Variants in SAMD5 observed in about 807,000 individuals in gnomAD.
SAMD5 encodes sterile alpha motif domain-containing protein 5.
In SAMD5, 13 loss-of-function variants were observed where a neutral mutation model predicts 11.3. The observed-to-expected ratio is 1.15, with a 90% CI of 0.75 to 1.83. SAMD5 has a LOEUF of 1.83. Ranked by LOEUF, SAMD5 falls within the 40% of genes most tolerant of loss-of-function variation. The probability of loss-of-function intolerance (pLI) is 0.00; values close to 1 mark genes in which losing one functional copy is unlikely to be tolerated. For synonymous variants in SAMD5, 129 were observed against 111.3 expected (o/e 1.16, Z -1.00); for missense variants, 255 against 239.1 (o/e 1.07, Z -0.44).
In SAMD5 at chr6:147,509,351, C is replaced by G. The variant is rs150468887; in HGVS notation, c.423C>G (p.Asp141Glu). Residue 141 changes from aspartate to glutamate, a missense_variant, in exon 1 of 2, where the codon GAC becomes GAG. By Grantham distance (45) the Asp-to-Glu change is conservative. Coordinates refer to ENST00000367474, the MANE Select transcript of SAMD5 (RefSeq NM_001030060.3). ...TGATCAGGGATAAGCTCGTCCGTGA[C>G]GGCATCCACCTGAGCAAGCCCCCGT... is the stretch of plus-strand genomic sequence containing the variant. ...KIMIRDKLVRDGIHLSKPPYS... is the reference protein window; with the variant it reads ...KIMIRDKLVREGIHLSKPPYS... 6.3e-7 allele frequency: 1 copy of G among 1,576,600 alleles called. No individual in the cohort carries two copies. Among genetic ancestry groups the G allele is most frequent in the East Asian group, 2.4e-5 (1 of 41,272 alleles).
At chr6:147,704,388 T>C (rs1260449765) in intron 1 of SAMD5, among the ~76,000 whole-genome samples, 1 of 152,186 alleles carries the variant, frequency 6.6e-6, no homozygotes, top group East Asian at 1.9e-4. Context: ...TCTATTAAAT[T>C]ATGTTCTTCA....
the SAMD5 span, among the ~76,000 whole-genome samples, chr6:147,814,890 T>C: frequency 6.6e-6 from 1 of 152,010 alleles, no homozygotes; most frequent in Non-Finnish European, 1.5e-5. Context: ...CCCCCAAATT[T>C]TGGGTATTCA....
At chr6:147,820,007 G>A in the SAMD5 span, among the ~76,000 whole-genome samples, 1 of 152,194 alleles carries the variant, frequency 6.6e-6, no homozygotes, top group East Asian at 1.9e-4. Context: ...GAGGACAGAA[G>A]AGACAAGGTG....
At chr6:147,673,009 A>G (rs1473134888) in intron 1 of SAMD5, among the ~76,000 whole-genome samples, 5 of 152,134 alleles carry the variant, frequency 3.3e-5, no homozygotes, top group Admixed American at 6.5e-5. Context: ...TCTTTCTACA[A>G]TTATGCTACT....
chr6:147,865,912 A>T, the SAMD5 span, among the ~76,000 whole-genome samples: 1 of 152,202 alleles, frequency 6.6e-6, no homozygotes, highest in Non-Finnish European at 1.5e-5. Context: ...ATATTTTCCA[A>T]AGCATATTTG....
intron 1 of SAMD5, among the ~76,000 whole-genome samples, chr6:147,595,086 C>A (rs1438399909): frequency 3.3e-5 from 5 of 152,188 alleles, no homozygotes; most frequent in African/African-American, 4.8e-5. Flanking sequence ...CATATACTAT[C>A]TTAGTACTTG....
At chr6:147,585,120 A>G (rs1027616918) in intron 1 of SAMD5, among the ~76,000 whole-genome samples, 4 of 152,098 alleles carry the variant, frequency 2.6e-5, no homozygotes, top group Admixed American at 2.6e-4. Flanking sequence ...TACTTATGAG[A>G]GGTGTGTCGG....
At chr6:147,942,223 A>G in the SAMD5 span, among the ~76,000 whole-genome samples, 1 of 152,130 alleles carries the variant, frequency 6.6e-6, no homozygotes, top group Admixed American at 6.6e-5. Flanking sequence ...ATGGTATTGA[A>G]TTCCATTTGA....
At position 147,565,547 on chromosome 6, in the gene SAMD5, C is replaced by T. The variant is rs1054089450; in HGVS notation, c.*1091C>T. The stretch of plus-strand genomic sequence containing the variant: ...AATCTTGGCTCACAGTGACTTTCGC[C>T]TCCCAGGTTCAAGGAATTCTCCTGC... On this transcript the variant is annotated 3_prime_UTR_variant, in exon 2 of 2. Transcript: ENST00000367474. The T allele has an allele frequency of 1.6e-6, 1 of 642,146 alleles. No individual in the cohort carries two copies. Among genetic ancestry groups the T allele is most frequent in the Non-Finnish European group, 1.9e-6 (1 of 516,858 alleles). The allele number at this position is 642,146 out of a possible 1,614,324, so 39.8% of individuals were successfully genotyped here. A position where few individuals can be genotyped will look rare whatever the true frequency, so the allele number is the denominator to read the frequency against.
chr6:147,821,515 A>G, the SAMD5 span, among the ~76,000 whole-genome samples: 1 of 152,190 alleles, frequency 6.6e-6, no homozygotes, highest in Non-Finnish European at 1.5e-5. Context: ...AGAATCAAAT[A>G]GGAGAGCCAA....
At chr6:147,512,165 C>T (rs1212532689) in intron 1 of SAMD5, among the ~76,000 whole-genome samples, 1 of 152,148 alleles carries the variant, frequency 6.6e-6, no homozygotes, top group Non-Finnish European at 1.5e-5. Context: ...ACCATGTTGG[C>T]CAGGCTCATC....
chr6:147,839,445 G>A, the SAMD5 span, among the ~76,000 whole-genome samples: 3,743 of 152,186 alleles, frequency 0.025, 84 homozygotes, highest in South Asian at 0.067. Context: ...GAGACTTGTC[G>A]ATTCTTAAAA....
chr6:147,893,158 C>T, the SAMD5 span, among the ~76,000 whole-genome samples: 12 of 150,580 alleles, frequency 8.0e-5, no homozygotes, highest in African/African-American at 2.7e-4. Context: ...GCCAAGATCA[C>T]GCTATTGCAC....
chr6:147,623,641 C>G (rs1349952916), intron 1 of SAMD5, among the ~76,000 whole-genome samples: 1 of 152,056 alleles, frequency 6.6e-6, no homozygotes, highest in Non-Finnish European at 1.5e-5. Context: ...TTTCTAAAAA[C>G]AAAGTATATT....
At position 147,564,606 on chromosome 6, in the gene SAMD5, A is replaced by G; in HGVS notation, c.*150A>G. The G allele has an allele frequency of 6.9e-7, 1 of 1,446,156 alleles. No individual in the cohort carries two copies. Among genetic ancestry groups the G allele is most frequent in the Non-Finnish European group, 9.1e-7 (1 of 1,096,752 alleles). The allele number at this position is 1,446,156 out of a possible 1,614,324, so 89.6% of individuals were successfully genotyped here. On this transcript the variant is annotated 3_prime_UTR_variant, in exon 2 of 2. Coordinates refer to ENST00000367474, the MANE Select transcript of SAMD5 (RefSeq NM_001030060.3). ...TTTTGCTTGGACAAATTCTGGAATA[A>G]TCAACTTAGTAAACTGGGTAACTGG...
chr6:147,800,199 T>A, the SAMD5 span, among the ~76,000 whole-genome samples: 1 of 152,148 alleles, frequency 6.6e-6, no homozygotes, highest in Admixed American at 6.6e-5. Flanking sequence ...TCTTTGTGGT[T>A]TTATCTACTT....
the SAMD5 span, among the ~76,000 whole-genome samples, chr6:147,793,237 C>G: frequency 2.6e-5 from 4 of 152,162 alleles, no homozygotes; most frequent in South Asian, 4.1e-4. Context: ...TTATCCCCCC[C>G]AAATCCATAA....
chr6:147,636,870 G>A (rs1790237755), intron 1 of SAMD5, among the ~76,000 whole-genome samples: 1 of 152,096 alleles, frequency 6.6e-6, no homozygotes, highest in Non-Finnish European at 1.5e-5. Flanking sequence ...TCCACAGACT[G>A]ATTTCAAATA....
chr6:147,615,434 T>C (rs1789850883), intron 1 of SAMD5, among the ~76,000 whole-genome samples: 1 of 152,230 alleles, frequency 6.6e-6, no homozygotes, highest in East Asian at 1.9e-4. Flanking sequence ...GTTATTAACT[T>C]AAAAATAAAT....
Sources: gnomAD v4.1 joint callset for allele counts (sites outside exome capture counted in the v4.1 genomes callset) on GRCh38, gnomAD v4.1.1 for gene constraint, MANE v1.5 for transcripts, NCBI Gene and HGNC (gene_info 2026-07-23, HGNC 2026-07-21) for gene names.